The following CSMD1 variants were observed in gnomAD, a reference collection of about 807,000 sequenced individuals.
CSMD1 encodes CUB and sushi domain-containing protein 1.
In CSMD1, 213 loss-of-function variants were observed where a neutral mutation model predicts 417.5. That is an observed-to-expected ratio of 0.51 (90% CI 0.46 to 0.57). The LOEUF (loss-of-function observed/expected upper bound fraction) is 0.57. Ranked by LOEUF, CSMD1 falls within the 20% of genes least tolerant of loss-of-function variation. The pLI, the probability that CSMD1 is intolerant of heterozygous loss-of-function variation, is 0.00. For synonymous variants in CSMD1, 2,862 were observed against 1,736.8 expected (o/e 1.65, Z -16.11); for missense variants, 6,923 against 4,529.7 (o/e 1.53, Z -15.17).
intron 5 of CSMD1, among the ~76,000 whole-genome samples, chr8:3,921,869 T>C (rs1203582693): frequency 3.3e-5 from 5 of 152,164 alleles, no homozygotes; most frequent in Admixed American, 1.3e-4. Flanking sequence ...TGCTGTGGTC[T>C]GGAAGGTTCT....
chr8:4,211,555 G>C (rs996047870), intron 3 of CSMD1, among the ~76,000 whole-genome samples: 1 of 152,116 alleles, frequency 6.6e-6, no homozygotes. Flanking sequence ...TCCAAGAAAT[G>C]TTTACTCAAA....
At chr8:3,409,388 A>T in intron 13 of CSMD1, 35 bp downstream of exon 13, 1 of 1,568,948 alleles carries the variant, frequency 6.4e-7, no homozygotes, top group Admixed American at 1.8e-5. Context: ...TCCTTGCAGG[A>T]CAGGAGGGAG....
intron 50 of CSMD1, among the ~76,000 whole-genome samples, chr8:3,040,427 A>G (rs984184638): frequency 9.5e-5 from 14 of 146,834 alleles, no homozygotes; most frequent in Non-Finnish European, 1.9e-4. Flanking sequence ...AGAAATATAT[A>G]TATGTATATA....
intron 1 of CSMD1, among the ~76,000 whole-genome samples, chr8:4,855,921 A>G (rs894263182): frequency 2.0e-5 from 3 of 149,906 alleles, no homozygotes; most frequent in African/African-American, 7.4e-5. Flanking sequence ...GAACGCCACA[A>G]AGATACTCCT....
intron 19 of CSMD1, 65 bp from the exon 20 acceptor site, chr8:3,367,312 A>T: frequency 9.5e-7 from 1 of 1,047,610 alleles, no homozygotes; most frequent in Non-Finnish European, 1.4e-6. Flanking sequence ...GCGGGGGCAG[A>T]GAGGGAGCGG....
At chr8:4,740,032 G>C (rs73661105) in intron 1 of CSMD1, among the ~76,000 whole-genome samples, 1 of 152,080 alleles carries the variant, frequency 6.6e-6, no homozygotes, top group East Asian at 1.9e-4. Flanking sequence ...CATCCTGGCA[G>C]AGGAATGCCA....
chr8:4,281,838 T>G (rs1796800755), intron 3 of CSMD1, among the ~76,000 whole-genome samples: 1 of 152,200 alleles, frequency 6.6e-6, no homozygotes, highest in Non-Finnish European at 1.5e-5. Flanking sequence ...TAGAGCTGCC[T>G]CATAAACACA....
intron 1 of CSMD1, among the ~76,000 whole-genome samples, chr8:4,905,611 A>G (rs1805195679): frequency 6.6e-6 from 1 of 151,810 alleles, no homozygotes; most frequent in Non-Finnish European, 1.5e-5. Flanking sequence ...CGAGGTCATG[A>G]GATCGAGGCC....
chr8:3,114,152 G>T (rs1376735143), intron 42 of CSMD1, among the ~76,000 whole-genome samples: 1 of 152,172 alleles, frequency 6.6e-6, no homozygotes, highest in African/African-American at 2.4e-5. Flanking sequence ...GCTGAAGTAG[G>T]AGGATTGCTT....
At chr8:4,786,775 C>T (rs1363012607) in intron 1 of CSMD1, among the ~76,000 whole-genome samples, 1 of 152,030 alleles carries the variant, frequency 6.6e-6, no homozygotes, top group African/African-American at 2.4e-5. Context: ...TTGCCTCAAA[C>T]TTCAAGCATG....
In CSMD1 at chr8:3,891,105, G is replaced by C. The variant is rs959738939; in HGVS notation, c.818+106798C>G. On this transcript the variant is annotated intron_variant, in intron 5 of 69. Coordinates refer to ENST00000635120, the MANE Select transcript of CSMD1 (RefSeq NM_033225.6). ...ACTCTGTCATCCAGGCTGGAGTGTAGTGTTGTGATCTTGGCTCATTACAAC... is the reference window on the plus strand; with the variant it reads ...ACTCTGTCATCCAGGCTGGAGTGTACTGTTGTGATCTTGGCTCATTACAAC... Among the ~76,000 whole-genome samples the C allele has an allele frequency of 5.9e-5, 9 of 151,856 alleles. 1 individual carries two copies. Among genetic ancestry groups the C allele is most frequent in the Non-Finnish European group, 1.3e-4 (9 of 67,990 alleles).
intron 2 of CSMD1, among the ~76,000 whole-genome samples, chr8:4,626,594 C>T (rs555023774): frequency 3.5e-4 from 53 of 152,116 alleles, no homozygotes; most frequent in African/African-American, 1.3e-3. Context: ...CAAGGAAATC[C>T]AGTCAGGGTC....
At chr8:3,416,066 C>T (rs904081382) in intron 12 of CSMD1, among the ~76,000 whole-genome samples, 7 of 152,110 alleles carry the variant, frequency 4.6e-5, no homozygotes, top group South Asian at 2.1e-4. Flanking sequence ...CTTTGGGAGG[C>T]GGAGACAGGT....
intron 36 of CSMD1, chr8:3,182,841 G>GGGGGGTGTGTGTGT (rs768081848): frequency 6.1e-4 from 7 of 11,468 alleles, no homozygotes; most frequent in African/African-American, 7.8e-4. Context: ...TTTATAAGAA[G>GGGGGGTGTGTGTGT]GTGTGTGTGT....
intron 7 of CSMD1, among the ~76,000 whole-genome samples, chr8:3,673,458 T>C (rs1441967379): frequency 1.3e-5 from 2 of 152,202 alleles, no homozygotes; most frequent in African/African-American, 4.8e-5. Flanking sequence ...GGCCCTGACT[T>C]ATGACAAGCA....
At chr8:3,565,590 C>G (rs1240405628) in intron 10 of CSMD1, among the ~76,000 whole-genome samples, 3 of 152,188 alleles carry the variant, frequency 2.0e-5, no homozygotes, top group Non-Finnish European at 2.9e-5. Context: ...TTCTTCATCT[C>G]TCTGAATTTG....
intron 2 of CSMD1, among the ~76,000 whole-genome samples, chr8:4,611,001 C>T (rs937133929): frequency 6.6e-6 from 1 of 152,012 alleles, no homozygotes; most frequent in African/African-American, 2.4e-5. Context: ...AAATAGCAGC[C>T]CTTTTTCCCT....
intron 46 of CSMD1, among the ~76,000 whole-genome samples, chr8:3,106,133 C>T (rs1388538677): frequency 6.6e-6 from 1 of 151,662 alleles, no homozygotes; most frequent in African/African-American, 2.4e-5. Flanking sequence ...TGCCTGCAAT[C>T]CTAGCAATCT....
intron 1 of CSMD1, among the ~76,000 whole-genome samples, chr8:4,740,184 C>T (rs1810515046): frequency 6.6e-6 from 1 of 152,144 alleles, no homozygotes; most frequent in African/African-American, 2.4e-5. Flanking sequence ...CTGAGACGAA[C>T]ACATTATCTT....
Sources: allele counts gnomAD v4.1 joint callset (sites outside exome capture counted in the v4.1 genomes callset), GRCh38; gene constraint gnomAD v4.1.1; transcripts MANE v1.5; gene names NCBI Gene and HGNC (gene_info 2026-07-23, HGNC 2026-07-21).